Variants in ENKUR observed in about 807,000 individuals in gnomAD.
ENKUR encodes the protein enkurin.
ENKUR carries 19 observed loss-of-function variants against 27.6 expected under a neutral mutation model. The observed-to-expected ratio is 0.69, with a 90% confidence interval of 0.48 to 1.01. The LOEUF (loss-of-function observed/expected upper bound fraction) is 1.01. Among genes scored for constraint, ENKUR ranks in the 50% least tolerant of loss-of-function variants. ENKUR has a pLI of 0.00. For synonymous variants in ENKUR, 117 were observed against 96.9 expected (o/e 1.21, Z -1.22); for missense variants, 312 against 310.5 (o/e 1.00, Z -0.04).
intron 4 of ENKUR, among the ~76,000 whole-genome samples, chr10:24,986,429 G>T (rs939849488): frequency 1.3e-5 from 2 of 152,104 alleles, no homozygotes; most frequent in African/African-American, 4.8e-5. Context: ...AAAAAGAGGA[G>T]GCTACACAGT....
chr10:25,027,357 C>CAAAAAAAAAAAA (rs71399946), intron 2 of ENKUR, among the ~76,000 whole-genome samples: 1 of 48,492 alleles, frequency 2.1e-5, no homozygotes, highest in African/African-American at 1.1e-4. Context: ...ACTCCCGTCT[C>CAAAAAAAAAAAA]AAAAAAAAAA....
chr10:25,026,687 A>G (rs933431541), intron 2 of ENKUR: 4 of 157,496 alleles, frequency 2.5e-5, no homozygotes, highest in South Asian at 2.1e-4. Flanking sequence ...ACTACTGTCA[A>G]CCACAAGATG....
chr10:25,026,412 T>C (rs1367782656), intron 2 of ENKUR: 1 of 167,058 alleles, frequency 6.0e-6, no homozygotes. Context: ...TTTTCCAAAA[T>C]TAAGAGTACT....
chr10:25,047,612 G>A (rs980828334), intron 2 of ENKUR, among the ~76,000 whole-genome samples: 17 of 152,146 alleles, frequency 1.1e-4, no homozygotes, highest in African/African-American at 4.1e-4. Flanking sequence ...CTAGGTAATA[G>A]TTTTATGAAT....
In ENKUR at chr10:25,003,181, A is replaced by AATTT. The variant is rs1243249947; in HGVS notation, c.78-3639_78-3636dup. ...TCTTTAATTAATTAATTAATTAATTAATTTATTTATTTATTCATTTATTTT... is the reference window on the plus strand; with the variant it reads ...TCTTTAATTAATTAATTAATTAATTAATTTATTTATTTATTTATTCATTTATTTT... On this transcript the variant is annotated intron_variant, in intron 1 of 5. Coordinates refer to ENST00000331161, the MANE Select transcript of ENKUR (RefSeq NM_145010.4). 5.2e-4 allele frequency among the ~76,000 whole-genome samples: 77 copies of AATTT among 146,978 alleles called. 4 individuals are homozygous for AATTT. Among genetic ancestry groups the AATTT allele is most frequent in the South Asian group, 1.3e-3 (6 of 4,542 alleles).
intron 1 of ENKUR, among the ~76,000 whole-genome samples, chr10:25,012,652 G>A (rs922161657): frequency 3.9e-5 from 6 of 152,160 alleles, no homozygotes; most frequent in Non-Finnish European, 7.3e-5. Context: ...CTGCTATTTC[G>A]AATGGTTATA....
At chr10:25,042,632 T>C (rs1851077573) in intron 2 of ENKUR, among the ~76,000 whole-genome samples, 1 of 151,928 alleles carries the variant, frequency 6.6e-6, no homozygotes, top group African/African-American at 2.4e-5. Flanking sequence ...GTTCAAAATA[T>C]AAAGTTAAAA....
At chr10:25,061,383 T>C (rs1425138320) in intron 1 of ENKUR, 2 of 542,882 alleles carry the variant, frequency 3.7e-6, no homozygotes, top group Non-Finnish European at 6.6e-6. Flanking sequence ...GAAGGAGGAG[T>C]AACAGTGCAC....
chr10:25,025,859 T>A (rs1407696073), intron 2 of ENKUR: 1 of 172,392 alleles, frequency 5.8e-6, no homozygotes, highest in Non-Finnish European at 1.4e-5. Flanking sequence ...AATTTACCAC[T>A]CAAAATGGCT....
intron 2 of ENKUR, among the ~76,000 whole-genome samples, chr10:25,053,868 A>T (rs1039646040): frequency 2.0e-5 from 3 of 152,188 alleles, no homozygotes; most frequent in Admixed American, 1.3e-4. Flanking sequence ...ATACTCATGC[A>T]CCTACCACCC....
Position 24,999,514 on chromosome 10 carries a change from T to C in ENKUR, c.110A>G (p.Asp37Gly), listed in dbSNP as rs1296794760. The change falls in exon 2 of 6, where the codon GAT becomes GGT. Residue 37 changes from aspartate to glycine, a missense_variant. Coordinates refer to ENST00000331161, the MANE Select transcript of ENKUR (RefSeq NM_145010.4). ...YISIFKATVK[D>G]DMQKAKTAMK... ...TGCAGTTTTAGCTTTTTGCATGTCA[T>C]CTTTTACAGTTGCCTTAAAAATGGA... The C allele has an allele frequency of 2.5e-6, 4 of 1,611,164 alleles. No homozygotes were observed. The highest frequency in any genetic ancestry group is 3.4e-6 in the Non-Finnish European group (4 of 1,179,174).
At position 24,999,435 on chromosome 10, in the gene ENKUR, T is replaced by C. The variant is rs1480783834; in HGVS notation, c.189A>G (p.Leu63=). 1 of 1,612,004 alleles carries C rather than the reference T, an allele frequency of 6.2e-7. No individual in the cohort carries two copies. Among genetic ancestry groups the C allele is most frequent in the East Asian group, 2.2e-5 (1 of 44,784 alleles). Reference sequence around the variant, plus strand: ...GAGTTTTTTCCTTTGAATGTTTCTTTAGGAAATCCTTTGGAGAAGGTACTT... The same window carrying C: ...GAGTTTTTTCCTTTGAATGTTTCTTCAGGAAATCCTTTGGAGAAGGTACTT... The part of the protein sequence containing the change: ...KVEVPSPKDF[L]KKHSKEKTLP... The change falls in exon 2 of 6, where the codon CTA becomes CTG. Residue 63 remains leucine (L), a synonymous_variant. Coordinates refer to ENST00000331161, the MANE Select transcript of ENKUR (RefSeq NM_145010.4).
chr10:25,055,197 C>T (rs1851239989), intron 2 of ENKUR, among the ~76,000 whole-genome samples: 1 of 152,166 alleles, frequency 6.6e-6, no homozygotes, highest in African/African-American at 2.4e-5. Context: ...TCTCACTCCT[C>T]TCTCCTTGCC....
rs1849728626 is a variant in ENKUR at position 24,984,226 on chromosome 10, T to C, written c.*144A>G. 1.8e-5 allele frequency: 16 copies of C among 867,688 alleles called. No homozygotes were observed. The highest frequency in any genetic ancestry group is 2.8e-5 in the Non-Finnish European group (16 of 577,752). 53.7% of individuals were successfully genotyped at this position (867,688 alleles called of 1,614,324 possible). A position where few individuals can be genotyped will look rare whatever the true frequency, so the allele number is the denominator to read the frequency against. ...ATTTCTCACTGGGAATAACTGCAAA[T>C]GTCATGGGCCACAGGAAAATACATC... On this transcript the variant is annotated 3_prime_UTR_variant, in exon 6 of 6. Transcript: ENST00000331161.
At chr10:25,040,971 A>G (rs1250524816) in intron 2 of ENKUR, among the ~76,000 whole-genome samples, 1 of 152,194 alleles carries the variant, frequency 6.6e-6, no homozygotes, top group Non-Finnish European at 1.5e-5. Flanking sequence ...TATGAGTAAG[A>G]TGTGTAATGG....
At chr10:25,022,641 T>C (rs986908909) in intron 2 of ENKUR, among the ~76,000 whole-genome samples, 2 of 152,226 alleles carry the variant, frequency 1.3e-5, no homozygotes, top group Non-Finnish European at 2.9e-5. Flanking sequence ...TTTCCTGTTA[T>C]GACTTCTATA....
exon 2 of ENKUR, chr10:25,061,131 C>T (rs768110561): frequency 2.0e-6 from 3 of 1,536,118 alleles, no homozygotes; most frequent in Non-Finnish European, 1.7e-6. Flanking sequence ...CACCTCCAGT[C>T]ACCCGCTCTG....
At chr10:25,005,101 C>G (rs1215760289) in intron 1 of ENKUR, among the ~76,000 whole-genome samples, 3 of 152,070 alleles carry the variant, frequency 2.0e-5, no homozygotes, top group African/African-American at 7.2e-5. Context: ...GTTCTCTATT[C>G]TGTTCTATTG....
At position 25,035,460 on chromosome 10, in the gene ENKUR, C is replaced by G. The variant is rs1045104525; in HGVS notation, c.37+25652G>C. ...GTCCCAGCTACTTGGGAGGCTGAGG[C>G]AGGAGAATCGCTTGAATCCAGGAGG... On this transcript the variant is annotated intron_variant, in intron 2 of 5. Coordinates refer to the ENKUR transcript ENST00000615958. 5.3e-5 allele frequency among the ~76,000 whole-genome samples: 8 copies of G among 151,772 alleles called. No homozygotes were observed. The South Asian group carries it at 6.2e-4, about 12-fold the overall frequency.
Sources: gnomAD v4.1 joint callset for allele counts (sites outside exome capture counted in the v4.1 genomes callset) on GRCh38, gnomAD v4.1.1 for gene constraint, MANE v1.5 for transcripts, NCBI Gene and HGNC (gene_info 2026-07-23, HGNC 2026-07-21) for gene names.